CSRNP3: variants seen among roughly 807,000 people sequenced by gnomAD.
The protein encoded by CSRNP3 is cysteine and serine rich nuclear protein 3, also known as cysteine/serine-rich nuclear protein 3.
Under a neutral mutation model 48.0 loss-of-function variants are expected in CSRNP3, and 12 were observed. That is an observed-to-expected ratio of 0.25 (90% CI 0.16 to 0.41). The LOEUF (loss-of-function observed/expected upper bound fraction) is 0.41, where lower values mean the gene tolerates loss of function less well. Among genes scored for constraint, CSRNP3 ranks in the 10% least tolerant of loss-of-function variants. The pLI is 1.00. For synonymous variants in CSRNP3, 263 were observed against 269.7 expected, an observed-to-expected ratio of 0.98 and a Z score of 0.24; for missense variants, 580 against 724.4, an observed-to-expected ratio of 0.80 and a Z score of 2.29.
rs1416244028 is a variant in CSRNP3, at chr2:165,595,025, C to T, written c.-23-18C>T. 3 of 1,607,226 alleles carry T rather than the reference C, an allele frequency of 1.9e-6. No homozygotes were observed. The highest frequency in any genetic ancestry group is 2.6e-6 in the Non-Finnish European group (3 of 1,175,422). ...GGTCAAATATTTCAATGCTCTGTTG[C>T]TCTCCTTCCTGTTACAGGTACATGT... On this transcript the variant is annotated intron_variant, in intron 3 of 6. Transcript: ENST00000651982.
At chr2:165,528,636 T>C (rs1275556433) in intron 3 of CSRNP3, among the ~76,000 whole-genome samples, 1 of 152,244 alleles carries the variant, frequency 6.6e-6, no homozygotes, top group African/African-American at 2.4e-5. Context: ...TAATTGACCA[T>C]GGATTTTTAA....
chr2:165,594,454 C>G (rs895266622), intron 3 of CSRNP3, among the ~76,000 whole-genome samples: 7 of 152,172 alleles, frequency 4.6e-5, no homozygotes, highest in African/African-American at 1.7e-4. Context: ...TCAATTATTG[C>G]TATCTTCCAG....
intron 3 of CSRNP3, among the ~76,000 whole-genome samples, chr2:165,588,147 A>G (rs1159408270): frequency 6.6e-6 from 1 of 152,220 alleles, no homozygotes; most frequent in Non-Finnish European, 1.5e-5. Context: ...AATAAATTAA[A>G]AAGTAGATCA....
intron 4 of CSRNP3, among the ~76,000 whole-genome samples, chr2:165,596,980 T>A (rs1324347965): frequency 6.6e-6 from 1 of 152,160 alleles, no homozygotes; most frequent in Admixed American, 6.5e-5. Flanking sequence ...AGGAAACAAC[T>A]GAGGCTCAGA....
intron 2 of CSRNP3, among the ~76,000 whole-genome samples, chr2:165,496,110 C>G (rs968548314): frequency 6.6e-6 from 1 of 151,956 alleles, no homozygotes; most frequent in African/African-American, 2.4e-5. Context: ...TCATAATTCT[C>G]CATCACTGTT....
chr2:165,673,276 T>G (rs1341377388), intron 5 of CSRNP3, among the ~76,000 whole-genome samples: 2 of 151,676 alleles, frequency 1.3e-5, no homozygotes, highest in African/African-American at 2.4e-5. Flanking sequence ...TAGCTGTGAT[T>G]ACAGGTGTAC....
chr2:165,580,868 T>TG (rs1331890738), intron 3 of CSRNP3, among the ~76,000 whole-genome samples: 4 of 151,880 alleles, frequency 2.6e-5, no homozygotes, highest in African/African-American at 4.8e-5. Flanking sequence ...TGTTTTGTTT[T>TG]TTTTTTCCTC....
At chr2:165,637,889 A>G (rs1052430692) in intron 4 of CSRNP3, among the ~76,000 whole-genome samples, 4 of 152,206 alleles carry the variant, frequency 2.6e-5, no homozygotes, top group Admixed American at 1.3e-4. Context: ...CATTGTATTA[A>G]CCCAGTATTT....
intron 4 of CSRNP3, among the ~76,000 whole-genome samples, chr2:165,639,513 G>T (rs1399720703): frequency 6.6e-6 from 1 of 152,180 alleles, no homozygotes; most frequent in Non-Finnish European, 1.5e-5. Flanking sequence ...ATGAGTGGAT[G>T]GATAAATATA....
intron 3 of CSRNP3, among the ~76,000 whole-genome samples, chr2:165,574,924 G>T (rs903789873): frequency 6.6e-6 from 1 of 152,076 alleles, no homozygotes; most frequent in Non-Finnish European, 1.5e-5. Flanking sequence ...TTTTGGTTTT[G>T]AGGGTTTTTG....
chr2:165,594,549 ACTGAAATGGAAACTAC>A (rs1358167673), intron 3 of CSRNP3, among the ~76,000 whole-genome samples: 2 of 152,330 alleles, frequency 1.3e-5, no homozygotes, highest in Non-Finnish European at 2.9e-5. Context: ...CCATTGCAAT[ACTGAAATGGAAACTAC>A]CTAAAATTTA....
chr2:165,573,539 G>A (rs947565903), intron 3 of CSRNP3, among the ~76,000 whole-genome samples: 1 of 152,188 alleles, frequency 6.6e-6, no homozygotes, highest in African/African-American at 2.4e-5. Flanking sequence ...AGACAGACAA[G>A]CATTGCTGCT....
chr2:165,579,401 C>A (rs1157228159), intron 3 of CSRNP3, among the ~76,000 whole-genome samples: 1 of 152,188 alleles, frequency 6.6e-6, no homozygotes, highest in African/African-American at 2.4e-5. Context: ...ATGTGCTTTT[C>A]TGAGCTCCCT....
chr2:165,562,390 G>A (rs1225842723), intron 3 of CSRNP3, among the ~76,000 whole-genome samples: 1 of 152,164 alleles, frequency 6.6e-6, no homozygotes, highest in African/African-American at 2.4e-5. Flanking sequence ...GGCTGAAAAT[G>A]TGTTACCAGC....
At position 165,552,982 on chromosome 2, in the gene CSRNP3, A is replaced by G. The variant is rs114150467; in HGVS notation, c.-24+35021A>G. Among the ~76,000 whole-genome samples the G allele has an allele frequency of 7.3e-3, 1,109 of 152,180 alleles. 6 individuals carry two copies. The highest frequency in any genetic ancestry group is 0.024 in the Middle Eastern group (7 of 290). On this transcript the variant is annotated intron_variant, in intron 3 of 6. Transcript: ENST00000651982. ...GTGCTGGGATTACAGGTGTGAGCCA[A>G]TGTGCCTGGCCATACCTTCGTAATT...
intron 3 of CSRNP3, among the ~76,000 whole-genome samples, chr2:165,526,958 A>C (rs192795176): frequency 8.5e-5 from 13 of 152,346 alleles, no homozygotes; most frequent in Admixed American, 2.6e-4. Context: ...AACACAAAGC[A>C]ATGTGTACAA....
intron 3 of CSRNP3, among the ~76,000 whole-genome samples, chr2:165,545,259 C>T (rs1302732591): frequency 6.6e-6 from 1 of 151,996 alleles, no homozygotes; most frequent in Non-Finnish European, 1.5e-5. Flanking sequence ...AGGAGTTTTG[C>T]TGCAAAGGAG....
intron 3 of CSRNP3, among the ~76,000 whole-genome samples, chr2:165,570,462 T>A (rs1685353860): frequency 6.6e-6 from 1 of 151,770 alleles, no homozygotes; most frequent in Admixed American, 6.6e-5. Context: ...TATATGTGGA[T>A]TTTTTTTCCC....
intron 2 of CSRNP3, among the ~76,000 whole-genome samples, chr2:165,511,684 G>A (rs894461005): frequency 6.6e-6 from 1 of 152,116 alleles, no homozygotes; most frequent in Non-Finnish European, 1.5e-5. Context: ...AAGGAATGTG[G>A]GATGGTTGAA....
Sources: gnomAD v4.1 joint callset for allele counts (sites outside exome capture counted in the v4.1 genomes callset) on GRCh38, gnomAD v4.1.1 for gene constraint, MANE v1.5 for transcripts, NCBI Gene and HGNC (gene_info 2026-07-23, HGNC 2026-07-21) for gene names.